Variants in NBN observed in about 807,000 individuals in gnomAD.
NBN encodes Nijmegen breakage syndrome 1 (nibrin).
In NBN, 88 loss-of-function variants were observed where a neutral mutation model predicts 90.8. That is an observed-to-expected ratio of 0.97 (90% CI 0.82 to 1.16). The LOEUF (loss-of-function observed/expected upper bound fraction) is 1.16, where lower values mean the gene tolerates loss of function less well. Ranked by LOEUF, NBN falls within the 50% of genes most tolerant of loss-of-function variation. The pLI is 0.00. For synonymous variants in NBN, 328 were observed against 295.1 expected (o/e 1.11, Z -1.14); for missense variants, 894 against 869.6 (o/e 1.03, Z -0.35).
intron 4 of NBN, among the ~76,000 whole-genome samples, chr8:89,980,217 T>C (rs1811992106): frequency 6.6e-6 from 1 of 152,236 alleles, no homozygotes; most frequent in Non-Finnish European, 1.5e-5. Context: ...AGTTTAATTA[T>C]ATTAAATACT....
intron 11 of NBN, among the ~76,000 whole-genome samples, chr8:89,950,127 T>A (rs1421389013): frequency 6.6e-6 from 1 of 152,180 alleles, no homozygotes; most frequent in African/African-American, 2.4e-5. Context: ...AAAACAGAAA[T>A]ACTTTTGTAG....
chr8:89,942,083 G>A (rs1452648857), intron 14 of NBN, among the ~76,000 whole-genome samples: 1 of 152,066 alleles, frequency 6.6e-6, no homozygotes, highest in African/African-American at 2.4e-5. Flanking sequence ...TGAGTGATAC[G>A]AAAGAAAACC....
intron 4 of NBN, 69 bp from the exon 5 acceptor site, chr8:89,978,392 T>C: frequency 7.5e-7 from 1 of 1,340,458 alleles, no homozygotes; most frequent in South Asian, 1.2e-5. Context: ...AGTTTTAAGT[T>C]ATAAACTACA....
intron 7 of NBN, among the ~76,000 whole-genome samples, chr8:89,970,010 A>C (rs1217426281): frequency 6.6e-6 from 1 of 151,904 alleles, no homozygotes; most frequent in Non-Finnish European, 1.5e-5. Flanking sequence ...GCACTTTGGG[A>C]GACTGAGGCA....
chr8:89,957,753 C>G (rs1395022212), intron 9 of NBN, among the ~76,000 whole-genome samples: 2 of 152,104 alleles, frequency 1.3e-5, no homozygotes, highest in African/African-American at 4.8e-5. Context: ...AGTATCAGTA[C>G]AGTAACATGC....
chr8:89,980,950 T>C, intron 3 of NBN, 57 bp from the exon 4 acceptor site: 3 of 1,471,838 alleles, frequency 2.0e-6, no homozygotes, highest in Admixed American at 1.7e-5. Context: ...GAGATGGCAA[T>C]TTTTAGTACT....
chr8:89,974,942 C>T (rs1215326578), intron 5 of NBN, among the ~76,000 whole-genome samples: 1 of 152,186 alleles, frequency 6.6e-6, no homozygotes, highest in African/African-American at 2.4e-5. Context: ...ATAATTAATA[C>T]ACCATCCTAC....
chr8:89,968,555 A>G (rs898821586), intron 7 of NBN, among the ~76,000 whole-genome samples: 1 of 152,168 alleles, frequency 6.6e-6, no homozygotes, highest in East Asian at 1.9e-4. Context: ...ATGTTTATAC[A>G]TACATAAATT....
intron 8 of NBN, among the ~76,000 whole-genome samples, chr8:89,960,713 C>T (rs1221850732): frequency 6.6e-6 from 1 of 152,138 alleles, no homozygotes; most frequent in African/African-American, 2.4e-5. Context: ...AGATTACTTA[C>T]AATTTTCTCC....
At chr8:89,949,184 C>T (rs1050581169) in intron 11 of NBN, among the ~76,000 whole-genome samples, 2 of 152,162 alleles carry the variant, frequency 1.3e-5, no homozygotes, top group African/African-American at 4.8e-5. Context: ...CATGGCAGAC[C>T]TGTGTTTAAG....
chr8:89,979,520 C>CTTT (rs976774455), intron 4 of NBN, among the ~76,000 whole-genome samples: 9 of 150,686 alleles, frequency 6.0e-5, no homozygotes, highest in African/African-American at 1.5e-4. Context: ...GAACTGAACG[C>CTTT]TTTTTTTGTT....
chr8:89,964,914 G>C (rs1811177349), intron 7 of NBN, among the ~76,000 whole-genome samples: 1 of 152,076 alleles, frequency 6.6e-6, no homozygotes, highest in South Asian at 2.1e-4. Context: ...AGGAGTTTGA[G>C]ACCAGCCTGG....
chr8:89,948,102 G>A (rs1810283699), intron 11 of NBN, among the ~76,000 whole-genome samples: 1 of 152,142 alleles, frequency 6.6e-6, no homozygotes, highest in Non-Finnish European at 1.5e-5. Context: ...AAGAGATACT[G>A]CAGTATCAGG....
intron 14 of NBN, among the ~76,000 whole-genome samples, chr8:89,942,373 A>C (rs13312955): frequency 0.018 from 2,696 of 152,294 alleles, 81 homozygotes; most frequent in African/African-American, 0.06. Context: ...GAAGACTCGA[A>C]GATAGAAAAC....
At position 89,970,249 on chromosome 8, in the gene NBN, C is replaced by CAAA. The variant is rs368497122; in HGVS notation, c.896+112_896+114dup. ...GGGCAACAAGAGCAAGACTCCGTCT[C>CAAA]AAAAAAAAAAAATTCTTGTATCTAC... On this transcript the variant is annotated intron_variant, in intron 7 of 15. Coordinates refer to ENST00000265433, the MANE Select transcript of NBN (RefSeq NM_002485.5). 8 of 711,796 alleles carry CAAA rather than the reference C, an allele frequency of 1.1e-5. No individual in the cohort carries two copies. The African/African-American group carries it at 1.1e-4, about 10-fold the overall frequency. The allele number at this position is 711,796 out of a possible 1,614,324, so 44.1% of individuals were successfully genotyped here.
chr8:89,943,902 T>C (rs913658559), intron 13 of NBN, among the ~76,000 whole-genome samples: 3 of 152,130 alleles, frequency 2.0e-5, no homozygotes, highest in African/African-American at 7.2e-5. Context: ...CATGTGAAAA[T>C]GCCCATCAAG....
Position 89,933,672 on chromosome 8 carries a change from G to C in NBN, c.*1910C>G, listed in dbSNP as rs1485678089. The C allele has an allele frequency of 1.3e-5, 3 of 232,134 alleles. No homozygotes were observed. The highest frequency in any genetic ancestry group is 1.3e-3 in the Middle Eastern group (1 of 800). 14.4% of individuals were successfully genotyped at this position (232,134 alleles called of 1,614,324 possible). A position where few individuals can be genotyped will look rare whatever the true frequency, so the allele number is the denominator to read the frequency against. On this transcript the variant is annotated 3_prime_UTR_variant, in exon 16 of 16. Transcript: ENST00000265433. The stretch of plus-strand genomic sequence containing the variant: ...ATAAAAATATAAAGTTTATATAATA[G>C]AGCAGAATATCTGAAATCTTGGGGT...
chr8:89,958,655 T>C (rs1243484828), intron 9 of NBN, 70 bp downstream of exon 9: 7 of 1,531,628 alleles, frequency 4.6e-6, no homozygotes, highest in Non-Finnish European at 6.3e-6. Context: ...ATAAAGGGCA[T>C]TACTTCCTGA....
chr8:89,950,425 A>C (rs1038310537), intron 11 of NBN, among the ~76,000 whole-genome samples: 12 of 151,602 alleles, frequency 7.9e-5, no homozygotes, highest in Non-Finnish European at 1.2e-4. Context: ...AATAATTTTT[A>C]AAAAGTTTGT....
Sources: allele counts gnomAD v4.1 joint callset (sites outside exome capture counted in the v4.1 genomes callset), GRCh38; gene constraint gnomAD v4.1.1; transcripts MANE v1.5; gene names NCBI Gene and HGNC (gene_info 2026-07-23, HGNC 2026-07-21).